WDR4: variants seen among roughly 807,000 people sequenced by gnomAD.
The protein encoded by WDR4 is tRNA (guanine-N(7)-)-methyltransferase non-catalytic subunit WDR4.
In WDR4, 47 loss-of-function variants were observed where a neutral mutation model predicts 48.6. That is an observed-to-expected ratio of 0.97 (90% CI 0.77 to 1.23). WDR4 has a LOEUF of 1.23. Among genes scored for constraint, WDR4 ranks in the 50% most tolerant of loss-of-function variants. The probability of loss-of-function intolerance (pLI) is 0.00; values close to 1 mark genes in which losing one functional copy is unlikely to be tolerated. For synonymous variants in WDR4, 268 were observed against 230.0 expected, an observed-to-expected ratio of 1.17 and a Z score of -1.49; for missense variants, 606 against 551.6, an observed-to-expected ratio of 1.10 and a Z score of -0.99.
upstream of WDR4, among the ~76,000 whole-genome samples, chr21:42,883,347 G>A (rs1409763568): frequency 3.0e-5 from 4 of 134,536 alleles, no homozygotes; most frequent in Admixed American, 7.9e-5. Flanking sequence ...CTGGCAAGAC[G>A]ACATAAGCAT....
upstream of WDR4, among the ~76,000 whole-genome samples, chr21:42,880,283 C>T (rs2058597183): frequency 6.6e-6 from 1 of 152,088 alleles, no homozygotes; most frequent in Non-Finnish European, 1.5e-5. Flanking sequence ...TATTTTCAAC[C>T]CAAACTATGG....
intron 2 of WDR4, among the ~76,000 whole-genome samples, chr21:42,874,646 T>C (rs528858578): frequency 3.0e-4 from 45 of 152,116 alleles, no homozygotes; most frequent in Admixed American, 5.9e-4. Flanking sequence ...GGCCATCTTC[T>C]GGTCGAGACT....
intron 11 of WDR4, chr21:42,843,409 T>C (rs957440476): frequency 9.1e-4 from 2 of 2,204 alleles, no homozygotes; most frequent in Non-Finnish European, 2.4e-3. Flanking sequence ...TGGTGTGCTT[T>C]TTTTTTTTTT....
chr21:42,853,638 C>T lies in WDR4; in HGVS notation c.906G>A (p.Gly302=). The change falls in exon 9 of 11, where the codon GGG becomes GGA. Residue 302 remains glycine, a synonymous_variant. Coordinates refer to ENST00000398208, the MANE Select transcript of WDR4 (RefSeq NM_018669.6). ...VWDVAFEETQ[G]LWVLQDCQEA... ...CCTGGCAGTCCTGGAGCACCCACAG[C>T]CCCTGGGTCTCCTCGAAAGCCACGT... 1 of 1,606,454 alleles carries T rather than the reference C, an allele frequency of 6.2e-7. No homozygotes were observed. Among genetic ancestry groups the T allele is most frequent in the Non-Finnish European group, 8.5e-7 (1 of 1,177,566 alleles).
chr21:42,869,124 A>ACTC (rs2058313019), intron 3 of WDR4, among the ~76,000 whole-genome samples: 1 of 151,634 alleles, frequency 6.6e-6, no homozygotes, highest in African/African-American at 2.4e-5. Context: ...CTCATCCCAT[A>ACTC]CTCTGGCTCT....
intron 3 of WDR4, among the ~76,000 whole-genome samples, chr21:42,870,022 A>AG (rs2058336120): frequency 6.6e-6 from 1 of 151,564 alleles, no homozygotes; most frequent in Non-Finnish European, 1.5e-5. Context: ...TCAAAAAAAA[A>AG]AAAAAATGCT....
rs1569314854 is a variant in WDR4 at position 42,853,609 on chromosome 21, G to GCTT, written c.932_934dup (p.Glu311dup). On this transcript the variant is annotated inframe_insertion, in exon 9 of 11. Coordinates refer to ENST00000398208, the MANE Select transcript of WDR4 (RefSeq NM_018669.6). ...CACAGGCCTGTAGAGCACCAGGGGG[G>GCTT]CTTCCTGGCAGTCCTGGAGCACCCA... 4 of 1,610,180 alleles carry GCTT rather than the reference G, an allele frequency of 2.5e-6. No homozygotes were observed. The highest frequency in any genetic ancestry group is 3.4e-6 in the Non-Finnish European group (4 of 1,179,012).
chr21:42,846,758 A>G (rs1253582817), downstream of WDR4, among the ~76,000 whole-genome samples: 1 of 152,092 alleles, frequency 6.6e-6, no homozygotes, highest in Non-Finnish European at 1.5e-5. Context: ...GCAGTGGCTG[A>G]CACCTATAAT....
At chr21:42,865,883 T>C (rs112606099) in intron 3 of WDR4, among the ~76,000 whole-genome samples, 2,894 of 151,946 alleles carry the variant, frequency 0.019, 102 homozygotes, top group African/African-American at 0.066. Context: ...AGCCCTGAAC[T>C]CCCAGACTGA....
intron 3 of WDR4, among the ~76,000 whole-genome samples, chr21:42,868,166 C>T (rs1196000290): frequency 6.6e-6 from 1 of 152,170 alleles, no homozygotes; most frequent in Non-Finnish European, 1.5e-5. Context: ...GCAGAGGCCC[C>T]GTCCCTCTGG....
Position 42,859,577 on chromosome 21 carries a change from A to C in WDR4, c.627+85T>G, listed in dbSNP as rs79240815. 5.1e-6 allele frequency: 7 copies of C among 1,374,372 alleles called. No homozygotes were observed. Among genetic ancestry groups the C allele is most frequent in the African/African-American group, 3.1e-5 (2 of 63,536 alleles). 85.1% of individuals were successfully genotyped at this position (1,374,372 alleles called of 1,614,324 possible). Reference sequence around the variant, plus strand: ...AGCCAGCCAGGGGCCAGCGATCCACAGGGGCCAGGTCCAGGAGGCGCCCAC... The same window carrying C: ...AGCCAGCCAGGGGCCAGCGATCCACCGGGGCCAGGTCCAGGAGGCGCCCAC... On this transcript the variant is annotated intron_variant, in intron 6 of 10. Coordinates refer to ENST00000398208, the MANE Select transcript of WDR4 (RefSeq NM_018669.6).
intron 6 of WDR4, among the ~76,000 whole-genome samples, chr21:42,857,655 G>A (rs558554387): frequency 9.2e-5 from 14 of 152,252 alleles, no homozygotes; most frequent in African/African-American, 2.9e-4. Flanking sequence ...AGAACGTGCC[G>A]AGGGCAAGAA....
At chr21:42,845,958 C>T (rs1020859655), downstream of WDR4, among the ~76,000 whole-genome samples, 2 of 152,098 alleles carry the variant, frequency 1.3e-5, no homozygotes, top group Non-Finnish European at 2.9e-5. Flanking sequence ...CAGAGCAAGA[C>T]ACCATCTCTA....
chr21:42,876,598 G>C, intron 2 of WDR4, 104 bp downstream of exon 2: 1 of 1,095,662 alleles, frequency 9.1e-7, no homozygotes, highest in South Asian at 1.5e-5. Flanking sequence ...CTGTGTGACA[G>C]AAGCTAAGAA....
In WDR4 at chr21:42,843,848, C is replaced by T. The variant is rs147383385; in HGVS notation, c.*9-567G>A. Among the ~76,000 whole-genome samples, 1,164 of 152,200 alleles carry T rather than the reference C, an allele frequency of 7.6e-3. 10 individuals carry two copies. Among genetic ancestry groups the T allele is most frequent in the Non-Finnish European group, 8.8e-3 (600 of 68,008 alleles). The stretch of plus-strand genomic sequence containing the variant: ...TGCTGGGATTACAGGCGTGAGCCAC[C>T]GCACCTGACCTTTTTAATTATTTTT... On this transcript the variant is annotated intron_variant, in intron 11 of 11. Coordinates refer to the WDR4 transcript ENST00000330317.
chr21:42,865,481 C>G (rs544878941), intron 3 of WDR4, among the ~76,000 whole-genome samples: 21 of 152,194 alleles, frequency 1.4e-4, no homozygotes, highest in African/African-American at 4.3e-4. Context: ...CACAGATGGC[C>G]CCCGACACCG....
In WDR4 at chr21:42,853,926, G is replaced by A. The variant is rs570433422; in HGVS notation, c.792-174C>T. Among the ~76,000 whole-genome samples, 16 of 152,320 alleles carry A rather than the reference G, an allele frequency of 1.1e-4. No homozygotes were observed. In the East Asian group the frequency reaches 1.2e-3, roughly 11 times the overall value. ...GGCGCCGGGGAAACCATGGGGTGAC[G>A]TACACTTTTTTAAGTCCTAAGCTCT... On this transcript the variant is annotated intron_variant, in intron 8 of 10. Coordinates refer to ENST00000398208, the MANE Select transcript of WDR4 (RefSeq NM_018669.6).
upstream of WDR4, among the ~76,000 whole-genome samples, chr21:42,882,655 T>G (rs1319087908): frequency 6.6e-6 from 1 of 151,986 alleles, no homozygotes; most frequent in Admixed American, 6.6e-5. Context: ...ATCCTTCCAT[T>G]AGCACAATAG....
chr21:42,869,510 G>C (rs2058320736), intron 3 of WDR4, among the ~76,000 whole-genome samples: 1 of 152,142 alleles, frequency 6.6e-6, no homozygotes, highest in Admixed American at 6.5e-5. Context: ...TACCGGTGCA[G>C]CTCACCTTAC....
Sources: gnomAD v4.1 joint callset for allele counts (sites outside exome capture counted in the v4.1 genomes callset) on GRCh38, gnomAD v4.1.1 for gene constraint, MANE v1.5 for transcripts, NCBI Gene and HGNC (gene_info 2026-07-23, HGNC 2026-07-21) for gene names.